Variants in ANK2 observed in about 807,000 individuals in gnomAD.
ANK2 encodes the protein ankyrin-2.
A neutral mutation model predicts 360.5 loss-of-function variants in ANK2; 83 were observed. That is an observed-to-expected ratio of 0.23 (90% CI 0.19 to 0.28). The LOEUF is 0.28. ANK2 is among the 10% of genes least tolerant of loss of function. ANK2 has a pLI of 1.00. For synonymous variants in ANK2, 1,740 were observed against 1,759.5 expected (o/e 0.99, Z 0.28); for missense variants, 4,201 against 4,795.7 (o/e 0.88, Z 3.66).
chr4:113,146,073 G>A (rs746905049), intron 1 of ANK2: 1 of 1,273,836 alleles, frequency 7.9e-7, no homozygotes, highest in African/African-American at 1.5e-5. Flanking sequence ...GACCTCATTG[G>A]TCAGACCTCT....
intron 2 of ANK2, among the ~76,000 whole-genome samples, chr4:113,017,658 T>C (rs1161607854): frequency 6.6e-6 from 1 of 152,192 alleles, no homozygotes; most frequent in Non-Finnish European, 1.5e-5. Context: ...ACGCAGAATT[T>C]TGTATAGATT....
At position 113,229,373 on chromosome 4, in the gene ANK2, C is replaced by T. The variant is rs189988493; in HGVS notation, c.385-2788C>T. Among the ~76,000 whole-genome samples, 6 of 152,304 alleles carry T rather than the reference C, an allele frequency of 3.9e-5. No homozygotes were observed. The East Asian group carries it at 1.2e-3, about 29-fold the overall frequency. On this transcript the variant is annotated intron_variant, in intron 4 of 45. Transcript: ENST00000357077. Reference sequence around the variant, plus strand: ...AAGCCAGCAGTGTAGCATCTTCTCTCCTCTTTGCCTTCTGTCTTGCTCTTG... The same window carrying T: ...AAGCCAGCAGTGTAGCATCTTCTCTTCTCTTTGCCTTCTGTCTTGCTCTTG...
rs786205263 is a variant in ANK2 at position 113,288,443 on chromosome 4, A to G, written c.2234A>G (p.Asn745Ser). 7 of 1,614,034 alleles carry G rather than the reference A, an allele frequency of 4.3e-6. No homozygotes were observed. The East Asian group carries it at 1.3e-4, about 31-fold the overall frequency. Reference sequence around the variant, plus strand: ...CACTATGGAAATGTGAAAATGGTCAACTTTCTTCTGAAGCAGGGAGCAAAT... The same window carrying G: ...CACTATGGAAATGTGAAAATGGTCAGCTTTCTTCTGAAGCAGGGAGCAAAT... The part of the protein sequence containing the change: ...ACHYGNVKMV[N>S]FLLKQGANVN... Residue 745 changes from asparagine (N) to serine (S), a missense_variant, in exon 20 of 46, where the codon AAC becomes AGC. By Grantham distance (46) the Asn-to-Ser change is conservative. Around this residue, in one of 4 missense-constraint regions of ANK2, gnomAD observed 1,268 missense variants for 1,650.8 expected, o/e 0.77. Transcript: ENST00000357077.
At chr4:113,338,697 C>T (rs902511489) in intron 31 of ANK2, among the ~76,000 whole-genome samples, 4 of 151,676 alleles carry the variant, frequency 2.6e-5, no homozygotes, top group Non-Finnish European at 5.9e-5. Flanking sequence ...CTACAGGTGC[C>T]CACCACTATG....
intron 21 of ANK2, 108 bp downstream of exon 21, chr4:113,292,622 G>GCCC (rs1659215627): frequency 8.3e-7 from 1 of 1,208,088 alleles, no homozygotes; most frequent in Non-Finnish European, 1.2e-6. Flanking sequence ...CTTTAAATAA[G>GCCC]CCCCCTGGAC....
At chr4:112,862,465 G>A (rs1462321563) in intron 1 of ANK2, among the ~76,000 whole-genome samples, 7 of 152,102 alleles carry the variant, frequency 4.6e-5, no homozygotes, top group Admixed American at 4.6e-4. Flanking sequence ...GCAGATCAGA[G>A]CTTTAATTTT....
intron 1 of ANK2, among the ~76,000 whole-genome samples, chr4:113,108,776 A>G (rs2093957946): frequency 6.6e-6 from 1 of 152,168 alleles, no homozygotes; most frequent in African/African-American, 2.4e-5. Flanking sequence ...TTATTTTACA[A>G]AGTTAGTTGG....
chr4:112,959,126 A>C (rs1457350438), intron 2 of ANK2, among the ~76,000 whole-genome samples: 1 of 152,136 alleles, frequency 6.6e-6, no homozygotes, highest in African/African-American at 2.4e-5. Flanking sequence ...CTGGGATTAC[A>C]CACGTGAGCC....
chr4:112,961,885 A>T (rs2035009245), intron 2 of ANK2, among the ~76,000 whole-genome samples: 1 of 152,150 alleles, frequency 6.6e-6, no homozygotes, highest in African/African-American at 2.4e-5. Context: ...GATTCCAAAG[A>T]TTCTAATTTA....
intron 2 of ANK2, among the ~76,000 whole-genome samples, chr4:112,912,849 AAAATAAAT>A (rs967168019): frequency 2.0e-5 from 3 of 152,024 alleles, no homozygotes; most frequent in Non-Finnish European, 2.9e-5. Context: ...CCATGTCTTT[AAAATAAAT>A]AAATAAATAA....
chr4:112,995,038 GC>G (rs2048082962), intron 2 of ANK2, among the ~76,000 whole-genome samples: 1 of 152,184 alleles, frequency 6.6e-6, no homozygotes, highest in Admixed American at 6.5e-5. Context: ...CCAGGTCTTT[GC>G]TATTTGTGAA....
intron 1 of ANK2, among the ~76,000 whole-genome samples, chr4:113,146,306 G>A (rs577051941): frequency 3.6e-4 from 55 of 152,282 alleles, no homozygotes; most frequent in African/African-American, 1.2e-3. Flanking sequence ...TATTATTATA[G>A]AGTGACTTTC....
intron 1 of ANK2, among the ~76,000 whole-genome samples, chr4:112,871,218 C>T (rs1459911160): frequency 2.0e-5 from 3 of 150,556 alleles, no homozygotes; most frequent in Non-Finnish European, 1.5e-5. Context: ...TGGAGTCTTG[C>T]TCTGTTGCTC....
intron 2 of ANK2, among the ~76,000 whole-genome samples, chr4:112,954,533 C>G (rs1278210821): frequency 6.6e-6 from 1 of 152,078 alleles, no homozygotes; most frequent in Non-Finnish European, 1.5e-5. Flanking sequence ...CAGATGGTGG[C>G]TTTTGGGCTT....
At chr4:113,278,655 C>A in intron 17 of ANK2, 97 bp downstream of exon 17, 1 of 1,208,168 alleles carries the variant, frequency 8.3e-7, no homozygotes. Flanking sequence ...AGTATAACTG[C>A]GACTAGTCCT....
intron 1 of ANK2, among the ~76,000 whole-genome samples, chr4:112,830,785 C>T (rs1177158981): frequency 6.6e-6 from 1 of 152,182 alleles, no homozygotes; most frequent in African/African-American, 2.4e-5. Flanking sequence ...CCAGCTCCCT[C>T]TGCTTGCAGG....
At position 112,930,860 on chromosome 4, in the gene ANK2, C is replaced by T. The variant is rs574355934; in HGVS notation, c.21+26346C>T. On this transcript the variant is annotated intron_variant, in intron 2 of 30. Coordinates refer to the ANK2 transcript ENST00000503271. The stretch of plus-strand genomic sequence containing the variant: ...CCGAGACCATGCCATTGCACTCCAG[C>T]CTGGGCGACAGAGCAAGACTCCATC... Among the ~76,000 whole-genome samples the T allele has an allele frequency of 3.3e-5, 5 of 151,216 alleles. No homozygotes were observed. The East Asian group carries it at 9.7e-4, about 29-fold the overall frequency.
At chr4:112,785,023 A>G in the ANK2 span, among the ~76,000 whole-genome samples, 7 of 152,206 alleles carry the variant, frequency 4.6e-5, no homozygotes, top group African/African-American at 1.7e-4. Context: ...TACCAGAAGT[A>G]TGGGAACAGA....
intron 4 of ANK2, among the ~76,000 whole-genome samples, chr4:113,221,531 G>A (rs921766855): frequency 2.0e-5 from 3 of 151,910 alleles, no homozygotes; most frequent in Admixed American, 6.6e-5. Flanking sequence ...TGGTGGCACA[G>A]GCCTGTAATC....
Sources: gnomAD v4.1 joint callset for allele counts (sites outside exome capture counted in the v4.1 genomes callset) on GRCh38, gnomAD v4.1.1 for gene constraint, gnomAD v4.1.1 regional missense constraint, MANE v1.5 for transcripts, NCBI Gene and HGNC (gene_info 2026-07-23, HGNC 2026-07-21) for gene names.